WWOX: variants seen among roughly 807,000 people sequenced by gnomAD.
The protein encoded by WWOX is WW domain containing oxidoreductase.
Under a neutral mutation model 46.2 loss-of-function variants are expected in WWOX, and 69 were observed. That is an observed-to-expected ratio of 1.49 (90% CI 1.23 to 1.82). The LOEUF (loss-of-function observed/expected upper bound fraction) is 1.82, where lower values mean the gene tolerates loss of function less well. Among genes scored for constraint, WWOX ranks in the 40% most tolerant of loss-of-function variants. The pLI is 0.00. For missense variants in WWOX, 919 were observed against 542.6 expected, an observed-to-expected ratio of 1.69 and a Z score of -6.89; for synonymous variants, 359 against 202.6, an observed-to-expected ratio of 1.77 and a Z score of -6.56.
At chr16:78,486,131 C>T (rs990058220) in intron 8 of WWOX, among the ~76,000 whole-genome samples, 1 of 152,150 alleles carries the variant, frequency 6.6e-6, no homozygotes, top group Non-Finnish European at 1.5e-5. Flanking sequence ...GTTGAACAAC[C>T]TGCTCTGTTG....
chr16:78,896,937 A>C (rs2044713705), intron 8 of WWOX: 1 of 152,088 alleles, frequency 6.6e-6, no homozygotes, highest in South Asian at 2.1e-4. Flanking sequence ...AAGATATAGA[A>C]CATTCCAGGG....
At chr16:78,386,003 T>C (rs1398652158) in intron 5 of WWOX, among the ~76,000 whole-genome samples, 5 of 152,240 alleles carry the variant, frequency 3.3e-5, no homozygotes, top group African/African-American at 4.8e-5. Context: ...ATGAAGAACA[T>C]GGCCAATGGA....
At chr16:78,814,769 C>T (rs1039202061) in intron 8 of WWOX, among the ~76,000 whole-genome samples, 6 of 152,206 alleles carry the variant, frequency 3.9e-5, no homozygotes, top group Non-Finnish European at 7.3e-5. Context: ...TAAGACATTA[C>T]AGCCAAGGCC....
intron 8 of WWOX, among the ~76,000 whole-genome samples, chr16:78,593,764 C>T (rs865844750): frequency 6.6e-6 from 1 of 151,650 alleles, no homozygotes; most frequent in Non-Finnish European, 1.5e-5. Context: ...GAGACTGATA[C>T]ACAAAGAGAA....
chr16:79,066,658 G>C (rs1288375864), intron 8 of WWOX, among the ~76,000 whole-genome samples: 2 of 152,218 alleles, frequency 1.3e-5, no homozygotes, highest in Non-Finnish European at 2.9e-5. Flanking sequence ...GCATTCAGGT[G>C]CCCACTTAAT....
chr16:78,617,537 TAAAG>T (rs1365643552), intron 8 of WWOX, among the ~76,000 whole-genome samples: 2 of 152,098 alleles, frequency 1.3e-5, no homozygotes, highest in Non-Finnish European at 2.9e-5. Flanking sequence ...AGAAGCCACA[TAAAG>T]AAGCACCCAC....
At chr16:79,202,871 A>C (rs1406761024) in intron 8 of WWOX, 1 of 152,248 alleles carries the variant, frequency 6.6e-6, no homozygotes, top group Non-Finnish European at 1.5e-5. Context: ...CCTAAAATAC[A>C]GTAGATGAGT....
intron 8 of WWOX, among the ~76,000 whole-genome samples, chr16:78,710,179 A>G (rs2142320473): frequency 6.6e-6 from 1 of 152,038 alleles, no homozygotes. Flanking sequence ...AGGCCTAAGA[A>G]CAGGCTTTCC....
intron 5 of WWOX, among the ~76,000 whole-genome samples, chr16:78,358,013 G>A (rs780143675): frequency 1.3e-5 from 2 of 152,164 alleles, no homozygotes; most frequent in African/African-American, 4.8e-5. Flanking sequence ...GTGCATTAGG[G>A]CTGGGTAGAA....
At chr16:78,184,492 A>G (rs1334817359) in intron 5 of WWOX, among the ~76,000 whole-genome samples, 1 of 152,080 alleles carries the variant, frequency 6.6e-6, no homozygotes, top group Non-Finnish European at 1.5e-5. Context: ...TGTGAAGGAA[A>G]ATGGATGAAT....
At chr16:78,409,232 AAG>A (rs1441142749) in intron 6 of WWOX, among the ~76,000 whole-genome samples, 2 of 152,100 alleles carry the variant, frequency 1.3e-5, no homozygotes, top group Non-Finnish European at 2.9e-5. Flanking sequence ...TTGAGTTTTA[AAG>A]CTAGCACTGT....
chr16:78,726,614 A>C (rs2048842797), intron 8 of WWOX, among the ~76,000 whole-genome samples: 4 of 152,278 alleles, frequency 2.6e-5, no homozygotes, highest in African/African-American at 9.6e-5. Context: ...GAGTCAACTA[A>C]ACAATTTATT....
chr16:78,292,396 G>C (rs1429742563), intron 5 of WWOX, among the ~76,000 whole-genome samples: 1 of 152,104 alleles, frequency 6.6e-6, no homozygotes, highest in South Asian at 2.1e-4. Flanking sequence ...TTGCAAATCT[G>C]TTTCCAAACA....
At chr16:78,765,358 A>C (rs116536080) in intron 8 of WWOX, among the ~76,000 whole-genome samples, 3,620 of 152,270 alleles carry the variant, frequency 0.024, 50 homozygotes, top group Middle Eastern at 0.041. Flanking sequence ...GACTTCAGGA[A>C]GCAGGTGAGA....
chr16:78,897,060 T>G (rs1436869729), intron 8 of WWOX: 2 of 144,472 alleles, frequency 1.4e-5, no homozygotes, highest in African/African-American at 2.6e-5. Context: ...AAACCCCGCC[T>G]CCACTAAAAA....
Position 78,339,366 on chromosome 16 carries a change from GAAA to G in WWOX, c.517-47481_517-47479del, listed in dbSNP as rs373351631. Among the ~76,000 whole-genome samples the G allele has an allele frequency of 1.8e-4, 13 of 70,916 alleles. 5 individuals carry two copies. The highest frequency in any genetic ancestry group is 5.0e-4 in the African/African-American group (10 of 20,014). 46.5% of individuals were successfully genotyped at this position (70,916 alleles called of 152,430 possible). A position where few individuals can be genotyped will look rare whatever the true frequency, so the allele number is the denominator to read the frequency against. On this transcript the variant is annotated intron_variant, in intron 5 of 8. Transcript: ENST00000566780. ...GTCTAAATCTCAGTTCCTTTTATTAGAAAAAAAAAAAAAAACAACTCCCCTGGA... is the reference window on the plus strand; with the variant it reads ...GTCTAAATCTCAGTTCCTTTTATTAGAAAAAAAAAAAACAACTCCCCTGGA...
chr16:78,162,598 C>A (rs1340066087), intron 4 of WWOX, among the ~76,000 whole-genome samples: 1 of 152,050 alleles, frequency 6.6e-6, no homozygotes, highest in Non-Finnish European at 1.5e-5. Context: ...ATACATATTT[C>A]TGCTTATGGC....
chr16:78,800,044 T>G (rs2050845828), intron 8 of WWOX, among the ~76,000 whole-genome samples: 1 of 152,110 alleles, frequency 6.6e-6, no homozygotes, highest in African/African-American at 2.4e-5. Context: ...AAGGAACACT[T>G]GGGTTTCATC....
intron 8 of WWOX, among the ~76,000 whole-genome samples, chr16:78,743,494 C>G (rs1401959014): frequency 6.6e-6 from 1 of 151,454 alleles, no homozygotes; most frequent in Non-Finnish European, 1.5e-5. Context: ...GGCAGGAGAA[C>G]AGGATCTGGA....
Sources: allele counts gnomAD v4.1 joint callset (sites outside exome capture counted in the v4.1 genomes callset), GRCh38; gene constraint gnomAD v4.1.1; transcripts MANE v1.5; gene names NCBI Gene and HGNC (gene_info 2026-07-23, HGNC 2026-07-21).